The following CEBPZOS variants were observed in gnomAD, a reference collection of about 807,000 sequenced individuals.
The protein encoded by CEBPZOS is CEBPZ opposite strand.
In CEBPZOS, 10 loss-of-function variants were observed where a neutral mutation model predicts 4.8. That is an observed-to-expected ratio of 2.07 (90% confidence interval 1.28 to 3.52). The LOEUF is 3.52. Among genes scored for constraint, CEBPZOS ranks in the 30% most tolerant of loss-of-function variants. The pLI, the probability that CEBPZOS is intolerant of heterozygous loss-of-function variation, is 0.00. For synonymous variants in CEBPZOS, 25 were observed against 14.2 expected (o/e 1.77, Z -1.72); for missense variants, 98 against 43.6 (o/e 2.25, Z -3.51).
chr2:37,215,182 T>C, downstream of CEBPZOS: 1 of 365,982 alleles, frequency 2.7e-6, no homozygotes, highest in East Asian at 4.4e-5. Flanking sequence ...AGGCAGTACA[T>C]AGCTGTCAGT....
chr2:37,213,232 T>TA (rs1677782971), intron 4 of CEBPZOS, among the ~76,000 whole-genome samples: 1 of 152,198 alleles, frequency 6.6e-6, no homozygotes, highest in South Asian at 2.1e-4. Flanking sequence ...TTAGTACTGA[T>TA]ATACTATAAT....
downstream of CEBPZOS, chr2:37,215,244 G>T: frequency 4.2e-6 from 1 of 239,498 alleles, no homozygotes. Context: ...TTTGCATCCA[G>T]GACCCAACTT....
chr2:37,216,103 G>C (rs772524009), downstream of CEBPZOS: 1 of 1,435,868 alleles, frequency 7.0e-7, no homozygotes, highest in Non-Finnish European at 9.7e-7. Context: ...GTCTTATATT[G>C]TCTTTTCAGT....
chr2:37,211,537 T>C (rs1446419964), intron 4 of CEBPZOS: 1 of 293,870 alleles, frequency 3.4e-6, no homozygotes, highest in Non-Finnish European at 6.3e-6. Flanking sequence ...GATTAACTTT[T>C]ATAAACTGCT....
At chr2:37,199,310 C>T (rs1351650463) in intron 1 of CEBPZOS, among the ~76,000 whole-genome samples, 6 of 152,130 alleles carry the variant, frequency 3.9e-5, no homozygotes, top group Admixed American at 6.5e-5. Flanking sequence ...TACTTTTGTA[C>T]GGCACTTTAC....
chr2:37,203,020 T>TGTAA lies in CEBPZOS; in HGVS notation c.*1163_*1166dup. ...CTTTTTTCTTGGCCCTAAAAAAAAT[T>TGTAA]GTAAGTCTACATTATTCAATTATAA... On this transcript the variant is annotated 3_prime_UTR_variant, in exon 5 of 5. Transcript: ENST00000402297. The TGTAA allele has an allele frequency of 1.3e-6, 2 of 1,509,750 alleles. No individual in the cohort carries two copies. The highest frequency in any genetic ancestry group is 1.8e-6 in the Non-Finnish European group (2 of 1,120,076). The allele number at this position is 1,509,750 out of a possible 1,614,324, so 93.5% of individuals were successfully genotyped here.
chr2:37,208,406 G>A (rs1456441804), downstream of CEBPZOS, among the ~76,000 whole-genome samples: 1 of 152,030 alleles, frequency 6.6e-6, no homozygotes, highest in Non-Finnish European at 1.5e-5. Context: ...CAAAATACTA[G>A]CTAACCAACT....
In CEBPZOS at chr2:37,201,878, A is replaced by G. The variant is rs1677261994; in HGVS notation, c.*18A>G. 1.9e-6 allele frequency: 3 copies of G among 1,613,616 alleles called. No individual in the cohort carries two copies. The African/African-American group carries it at 4.0e-5, about 22-fold the overall frequency. ...TGTTGTGTAGCCAGTCATCACGTTC[A>G]GCCTCCCATCTAAGCTGTTTGAGAC... On this transcript the variant is annotated 3_prime_UTR_variant, in exon 5 of 5. Transcript: ENST00000402297.
downstream of CEBPZOS, among the ~76,000 whole-genome samples, chr2:37,215,753 G>C (rs879479431): frequency 3.3e-5 from 5 of 152,080 alleles, no homozygotes; most frequent in Non-Finnish European, 5.9e-5. Flanking sequence ...GTGGGTTTTT[G>C]TGCTGCTAAG....
intron 4 of CEBPZOS, chr2:37,212,108 T>C: frequency 7.6e-7 from 1 of 1,311,556 alleles, no homozygotes; most frequent in Non-Finnish European, 1.1e-6. Context: ...TGCTGACTAC[T>C]AGGGCAGTAG....
chr2:37,201,083 A>G lies in CEBPZOS; in HGVS notation c.151A>G (p.Ile51Val). Residue 51 changes from isoleucine to valine, a missense_variant, in exon 3 of 5, where the codon ATC (isoleucine) becomes GTC (valine). Transcript: ENST00000402297. The part of the protein sequence containing the change: ...RQTMSKKYPF[I>V]LEVYYKSTEK... The stretch of plus-strand genomic sequence containing the variant: ...AACAATGAGCAAGAAATATCCCTTC[A>G]TCTTGGAAGGTATGTTTTTCCTTAA... 1.4e-6 allele frequency: 1 copy of G among 716,020 alleles called. No individual in the cohort carries two copies. Among genetic ancestry groups the G allele is most frequent in the Admixed American group, 2.0e-5 (1 of 49,800 alleles). The allele number at this position is 716,020 out of a possible 1,614,324, so 44.4% of individuals were successfully genotyped here.
chr2:37,214,091 G>T, downstream of CEBPZOS: 2 of 476,532 alleles, frequency 4.2e-6, no homozygotes, highest in Non-Finnish European at 7.3e-6. Context: ...GGAAATAAAT[G>T]ACTGAAATTT....
At chr2:37,211,968 T>G in intron 4 of CEBPZOS, 1 of 1,613,622 alleles carries the variant, frequency 6.2e-7, no homozygotes, top group South Asian at 1.1e-5. Flanking sequence ...GTTACCAAGT[T>G]CATCATCACT....
At chr2:37,197,752 G>C (rs1677017379) in intron 1 of CEBPZOS, among the ~76,000 whole-genome samples, 1 of 152,218 alleles carries the variant, frequency 6.6e-6, no homozygotes, top group Non-Finnish European at 1.5e-5. Flanking sequence ...TATAATCCCA[G>C]CTACTCGGGA....
downstream of CEBPZOS, among the ~76,000 whole-genome samples, chr2:37,207,770 C>G (rs1677587441): frequency 6.6e-6 from 1 of 152,100 alleles, no homozygotes; most frequent in Non-Finnish European, 1.5e-5. Flanking sequence ...AAATCAAACT[C>G]AAACCCAGCA....
chr2:37,201,405 T>G (rs1364672306), intron 3 of CEBPZOS: 1 of 506,350 alleles, frequency 2.0e-6, no homozygotes, highest in Non-Finnish European at 3.5e-6. Context: ...TGGAGCTGTC[T>G]CTTTCTCTGT....
chr2:37,202,182 T>A lies in CEBPZOS; in HGVS notation c.*322T>A. The A allele has an allele frequency of 4.5e-6, 1 of 224,476 alleles. No homozygotes were observed. Among genetic ancestry groups the A allele is most frequent in the Non-Finnish European group, 8.5e-6 (1 of 117,148 alleles). 13.9% of individuals were successfully genotyped at this position (224,476 alleles called of 1,614,324 possible). A position where few individuals can be genotyped will look rare whatever the true frequency, so the allele number is the denominator to read the frequency against. On this transcript the variant is annotated 3_prime_UTR_variant, in exon 5 of 5. Coordinates refer to ENST00000402297, the MANE Select transcript of CEBPZOS (RefSeq NM_001322374.2). ...CTGGTGAAATAAAAACCAGTAACAA[T>A]CAATATGTAAAAACGGCCCACTTCC...
chr2:37,215,189 CA>C, downstream of CEBPZOS: 1 of 343,830 alleles, frequency 2.9e-6, no homozygotes, highest in Admixed American at 4.6e-5. Flanking sequence ...ACATAGCTGT[CA>C]GTGCCGTTAC....
chr2:37,211,377 TAAG>T, intron 4 of CEBPZOS: 1 of 262,536 alleles, frequency 3.8e-6, no homozygotes, highest in Non-Finnish European at 7.1e-6. Context: ...TCAGAATAAG[TAAG>T]AAGAATGTTG....
Sources: gnomAD v4.1 joint callset for allele counts (sites outside exome capture counted in the v4.1 genomes callset) on GRCh38, gnomAD v4.1.1 for gene constraint, MANE v1.5 for transcripts, NCBI Gene and HGNC (gene_info 2026-07-23, HGNC 2026-07-21) for gene names.